KCNG2: variants seen among roughly 807,000 people sequenced by gnomAD.
The protein encoded by KCNG2 is potassium voltage-gated channel modifier subfamily G member 2, also known as voltage-gated potassium channel regulatory subunit KCNG2.
Under a neutral mutation model 12.3 loss-of-function variants are expected in KCNG2, and 7 were observed. The ratio of observed to expected loss-of-function variants is 0.57; its 90% CI spans 0.32 to 1.07. The LOEUF (loss-of-function observed/expected upper bound fraction) is 1.07. KCNG2 is among the 50% of genes least tolerant of loss of function. KCNG2 has a pLI of 0.04. For synonymous variants in KCNG2, 414 were observed against 351.4 expected (o/e 1.18, Z -1.99); for missense variants, 703 against 726.0 (o/e 0.97, Z 0.36).
intron 3 of KCNG2, among the ~76,000 whole-genome samples, chr18:79,898,493 G>C (rs578002480): frequency 6.6e-6 from 1 of 152,336 alleles, no homozygotes; most frequent in East Asian, 1.9e-4. Context: ...GTAGCCCCAG[G>C]AGCTGAGGGC....
rs186122962 is a variant in KCNG2 at position 79,832,644 on chromosome 18, G to A, written c.-114-23735G>A. Reference sequence around the variant, plus strand: ...ATGAAACCTTGGAACTGGGAGAGCCGTGCAGATCATTCGCCCTGATTTCCA... The same window carrying A: ...ATGAAACCTTGGAACTGGGAGAGCCATGCAGATCATTCGCCCTGATTTCCA... On this transcript the variant is annotated intron_variant, in intron 1 of 3. Transcript: ENST00000316249. Among the ~76,000 whole-genome samples, 54 of 152,220 alleles carry A rather than the reference G, an allele frequency of 3.5e-4. No homozygotes were observed. The East Asian group carries it at 4.8e-3, about 14-fold the overall frequency.
At chr18:79,838,975 C>T (rs1978381172) in intron 1 of KCNG2, among the ~76,000 whole-genome samples, 1 of 152,062 alleles carries the variant, frequency 6.6e-6, no homozygotes, top group African/African-American at 2.4e-5. Context: ...AGCAGTGAAA[C>T]AAAGAGCCGA....
At chr18:79,888,810 G>C (rs1426907977) in intron 3 of KCNG2, among the ~76,000 whole-genome samples, 1 of 152,052 alleles carries the variant, frequency 6.6e-6, no homozygotes, top group African/African-American at 2.4e-5. Flanking sequence ...GAGTAGCTGG[G>C]ATTACAGAAG....
chr18:79,865,691 G>T (rs980385499), intron 3 of KCNG2, among the ~76,000 whole-genome samples: 5 of 145,686 alleles, frequency 3.4e-5, no homozygotes, highest in Admixed American at 1.4e-4. Context: ...GGTGCTGAGA[G>T]GTCTGGGTGC....
intron 3 of KCNG2, among the ~76,000 whole-genome samples, chr18:79,865,155 GTGCTGAGAGGTCTGGC>G (rs1362637139): frequency 4.6e-5 from 7 of 150,662 alleles, no homozygotes; most frequent in South Asian, 2.1e-4. Context: ...AGAGGCCTGG[GTGCTGAGAGGTCTGGC>G]TGCTGAGAGG....
chr18:79,898,502 G>C (rs1418133496), intron 3 of KCNG2, among the ~76,000 whole-genome samples: 1 of 152,218 alleles, frequency 6.6e-6, no homozygotes, highest in African/African-American at 2.4e-5. Context: ...GGAGCTGAGG[G>C]CGGAATGTGA....
chr18:79,866,435 A>G (rs1979553381), intron 3 of KCNG2, among the ~76,000 whole-genome samples: 1 of 105,214 alleles, frequency 9.5e-6, no homozygotes. Flanking sequence ...CTGGGTGCTG[A>G]GAGGTCTGGG....
At chr18:79,812,933 G>A (rs1053408040) in intron 1 of KCNG2, among the ~76,000 whole-genome samples, 20 of 152,026 alleles carry the variant, frequency 1.3e-4, no homozygotes, top group African/African-American at 4.6e-4. Context: ...CAAGGAGGGC[G>A]GATCACGAGG....
chr18:79,849,730 T>C (rs1472412280), intron 1 of KCNG2, among the ~76,000 whole-genome samples: 1 of 152,220 alleles, frequency 6.6e-6, no homozygotes, highest in Non-Finnish European at 1.5e-5. Context: ...TGTTCTTGCG[T>C]GGCTGGGGGC....
intron 1 of KCNG2, among the ~76,000 whole-genome samples, chr18:79,805,050 C>T (rs1397056252): frequency 1.3e-5 from 2 of 152,178 alleles, no homozygotes; most frequent in South Asian, 2.1e-4. Context: ...TTATCAAACT[C>T]TGTTTCTGTG....
chr18:79,868,237 T>C (rs533636141), intron 3 of KCNG2, among the ~76,000 whole-genome samples: 1 of 152,352 alleles, frequency 6.6e-6, no homozygotes, highest in Admixed American at 6.5e-5. Flanking sequence ...GGGACAACCC[T>C]GGGCTCCGTG....
At chr18:79,843,780 C>T (rs995058155) in intron 1 of KCNG2, among the ~76,000 whole-genome samples, 12 of 152,008 alleles carry the variant, frequency 7.9e-5, no homozygotes, top group African/African-American at 2.2e-4. Context: ...AAAAAATTAT[C>T]GCATCACAAA....
At chr18:79,883,049 C>T (rs1474682360) in intron 3 of KCNG2, among the ~76,000 whole-genome samples, 2 of 152,242 alleles carry the variant, frequency 1.3e-5, no homozygotes, top group South Asian at 2.1e-4. Flanking sequence ...CGGAAGCAGC[C>T]GACACGGACC....
chr18:79,817,912 G>T (rs1463298998), intron 1 of KCNG2, among the ~76,000 whole-genome samples: 2 of 152,248 alleles, frequency 1.3e-5, no homozygotes, highest in African/African-American at 4.8e-5. Flanking sequence ...CCCTGAGGGT[G>T]CTGTGAGGTG....
At chr18:79,812,759 G>A (rs2087501195) in intron 1 of KCNG2, among the ~76,000 whole-genome samples, 1 of 152,208 alleles carries the variant, frequency 6.6e-6, no homozygotes, top group Non-Finnish European at 1.5e-5. Flanking sequence ...TACTCAGGAG[G>A]CTGAGGCGCG....
Position 79,899,748 on chromosome 18 carries a change from C to A in KCNG2, c.1333C>A (p.Gln445Lys). ...GGCCACAGCCACCGAGGACAGCTCG[C>A]AGGGCCCCGACAGCGCGGGCCTGGC... Reference protein sequence around the residue: ...HSATATEDSSQGPDSAGLADD... With the variant: ...HSATATEDSSKGPDSAGLADD... The change falls in exon 4 of 4, where the codon CAG becomes AAG. Residue 445 changes from glutamine to lysine, a missense_variant. Transcript: ENST00000316249. 2 of 1,586,252 alleles carry A rather than the reference C, an allele frequency of 1.3e-6. No individual in the cohort carries two copies.
Position 79,887,221 on chromosome 18 carries a change from TCACAGG to T in KCNG2, c.625-11818_625-11813del, listed in dbSNP as rs567847346. Among the ~76,000 whole-genome samples, 64 of 146,744 alleles carry T rather than the reference TCACAGG, an allele frequency of 4.4e-4. 2 individuals carry two copies. The highest frequency in any genetic ancestry group is 1.5e-3 in the African/African-American group (59 of 39,336). On this transcript the variant is annotated intron_variant, in intron 3 of 3. Coordinates refer to ENST00000316249, the MANE Select transcript of KCNG2 (RefSeq NM_012283.2). Reference sequence around the variant, plus strand: ...GGGACAGGGACACGGGGATATAGGGTCACAGGGACAGGGACACAGGGAGGGGACATG... The same window carrying T: ...GGGACAGGGACACGGGGATATAGGGTGACAGGGACACAGGGAGGGGACATG...
At chr18:79,888,017 GCATTTAACA>G (rs1412989629) in intron 3 of KCNG2, among the ~76,000 whole-genome samples, 2 of 152,228 alleles carry the variant, frequency 1.3e-5, no homozygotes, top group Non-Finnish European at 2.9e-5. Context: ...CATTCTGAAT[GCATTTAACA>G]CCCTTTAAAA....
At chr18:79,866,823 GA>G (rs1477208526) in intron 3 of KCNG2, among the ~76,000 whole-genome samples, 11 of 144,222 alleles carry the variant, frequency 7.6e-5, no homozygotes, top group Non-Finnish European at 1.5e-4. Context: ...TGTGTGCTGA[GA>G]GGTCTGTGTG....
Sources: gnomAD v4.1 joint callset for allele counts (sites outside exome capture counted in the v4.1 genomes callset) on GRCh38, gnomAD v4.1.1 for gene constraint, MANE v1.5 for transcripts, NCBI Gene and HGNC (gene_info 2026-07-23, HGNC 2026-07-21) for gene names.